The following ROBO2 variants were observed in gnomAD, a reference collection of about 807,000 sequenced individuals.
ROBO2 encodes roundabout guidance receptor 2.
ROBO2 carries 53 observed loss-of-function variants against 160.8 expected under a neutral mutation model. That is an observed-to-expected ratio of 0.33 (90% CI 0.26 to 0.41). The LOEUF (loss-of-function observed/expected upper bound fraction) is 0.41. Ranked by LOEUF, ROBO2 falls within the 10% of genes least tolerant of loss-of-function variation. The pLI, the probability that ROBO2 is intolerant of heterozygous loss-of-function variation, is 1.00. For synonymous variants in ROBO2, 664 were observed against 611.7 expected (o/e 1.09, Z -1.26); for missense variants, 1,577 against 1,722.4 (o/e 0.92, Z 1.49).
rs75020601 is a variant in ROBO2, at chr3:76,860,223, C to T, written c.110-237791C>T. Among the ~76,000 whole-genome samples the T allele has an allele frequency of 8.1e-3, 1,240 of 152,222 alleles. 22 individuals are homozygous for T. Among genetic ancestry groups the T allele is most frequent in the African/African-American group, 0.027 (1,134 of 41,542 alleles). On this transcript the variant is annotated intron_variant, in intron 2 of 26. Coordinates refer to the ROBO2 transcript ENST00000487694. ...CCTGATGCTATTCCCACTATACCCCCGACGGCTTTCTGTTTATTCATGTTT... is the reference window on the plus strand; with the variant it reads ...CCTGATGCTATTCCCACTATACCCCTGACGGCTTTCTGTTTATTCATGTTT...
chr3:76,154,174 C>A (rs191517457), intron 2 of ROBO2, among the ~76,000 whole-genome samples: 11 of 152,048 alleles, frequency 7.2e-5, no homozygotes, highest in African/African-American at 2.4e-4. Flanking sequence ...GCTTTGGTAA[C>A]GTTGTTTAAA....
intron 2 of ROBO2, among the ~76,000 whole-genome samples, chr3:77,362,679 A>G (rs1372440197): frequency 6.6e-6 from 1 of 152,162 alleles, no homozygotes; most frequent in Non-Finnish European, 1.5e-5. Flanking sequence ...AGAGTGTATC[A>G]GTCTGTTCTC....
chr3:76,200,176 A>T (rs1421905152), intron 2 of ROBO2, among the ~76,000 whole-genome samples: 1 of 152,132 alleles, frequency 6.6e-6, no homozygotes, highest in African/African-American at 2.4e-5. Context: ...AGTAACTCTG[A>T]ATAGTTAGAA....
chr3:77,543,776 A>G (rs1582840578), intron 6 of ROBO2, among the ~76,000 whole-genome samples: 1 of 152,138 alleles, frequency 6.6e-6, no homozygotes, highest in East Asian at 1.9e-4. Flanking sequence ...GACTGTATAG[A>G]GTATCCAGGA....
chr3:76,644,037 T>C (rs905975150), intron 2 of ROBO2, among the ~76,000 whole-genome samples: 3 of 152,228 alleles, frequency 2.0e-5, no homozygotes, highest in Admixed American at 2.0e-4. Context: ...ATTGTACCCA[T>C]ATAGAGTCAT....
chr3:77,411,909 C>T (rs1328026795), intron 2 of ROBO2, among the ~76,000 whole-genome samples: 1 of 152,156 alleles, frequency 6.6e-6, no homozygotes, highest in Non-Finnish European at 1.5e-5. Context: ...CCCAACCTGA[C>T]ATCCCATGTT....
At chr3:76,324,191 A>G (rs2072818334) in intron 2 of ROBO2, among the ~76,000 whole-genome samples, 1 of 152,196 alleles carries the variant, frequency 6.6e-6, no homozygotes, top group African/African-American at 2.4e-5. Context: ...GGGGTTACTC[A>G]TGGGAGTACT....
intron 2 of ROBO2, among the ~76,000 whole-genome samples, chr3:77,198,399 C>T (rs1356268290): frequency 3.3e-5 from 5 of 151,966 alleles, no homozygotes; most frequent in African/African-American, 1.2e-4. Flanking sequence ...GCTTAAACTT[C>T]CTGAGATGAA....
intron 2 of ROBO2, among the ~76,000 whole-genome samples, chr3:77,394,710 G>T (rs995600713): frequency 6.6e-6 from 1 of 152,066 alleles, no homozygotes; most frequent in Non-Finnish European, 1.5e-5. Context: ...TAACAGGAAA[G>T]ATAACCAAGA....
chr3:76,148,266 A>G (rs2071996538), intron 2 of ROBO2, among the ~76,000 whole-genome samples: 1 of 151,986 alleles, frequency 6.6e-6, no homozygotes, highest in South Asian at 2.1e-4. Flanking sequence ...CTGCCTTTCT[A>G]TTGATGTGCT....
intron 2 of ROBO2, among the ~76,000 whole-genome samples, chr3:76,303,380 A>T (rs1465054901): frequency 1.3e-5 from 2 of 151,954 alleles, no homozygotes; most frequent in Non-Finnish European, 1.5e-5. Flanking sequence ...AAAATAATGA[A>T]CTAGGTGCTA....
chr3:76,900,799 C>G (rs2075164886), intron 2 of ROBO2, among the ~76,000 whole-genome samples: 1 of 152,144 alleles, frequency 6.6e-6, no homozygotes, highest in African/African-American at 2.4e-5. Context: ...TTCCTGTATG[C>G]AGTGAGAAGC....
chr3:77,005,322 A>G (rs554456084), intron 2 of ROBO2, among the ~76,000 whole-genome samples: 1 of 152,322 alleles, frequency 6.6e-6, no homozygotes, highest in Non-Finnish European at 1.5e-5. Flanking sequence ...ACGAGCACCA[A>G]GCACAGTTTT....
At chr3:76,711,918 A>C (rs1056358408) in intron 2 of ROBO2, among the ~76,000 whole-genome samples, 1 of 152,178 alleles carries the variant, frequency 6.6e-6, no homozygotes, top group East Asian at 1.9e-4. Context: ...TGCCTTGTTC[A>C]TATCTCTAAC....
At position 76,622,227 on chromosome 3, in the gene ROBO2, GAAGGAAGGAAGAAAGAAAGA is replaced by G. The variant is rs1228460215; in HGVS notation, c.110-475783_110-475764del. 9.3e-3 allele frequency among the ~76,000 whole-genome samples: 254 copies of G among 27,398 alleles called. 1 individual carries two copies. The highest frequency in any genetic ancestry group is 0.031 in the South Asian group (10 of 326). The allele number at this position is 27,398 out of a possible 152,430, so 18.0% of individuals were successfully genotyped here. A position where few individuals can be genotyped will look rare whatever the true frequency, so the allele number is the denominator to read the frequency against. On this transcript the variant is annotated intron_variant, in intron 2 of 26. Coordinates refer to the ROBO2 transcript ENST00000487694. ...GGAAGGAAGGAAGGAAGGAAGGAAG[GAAGGAAGGAAGAAAGAAAGA>G]AAGAAAGAAAGAAAGAAAGAAAGAA... is the stretch of plus-strand genomic sequence containing the variant.
chr3:76,119,176 A>T (rs1036584210), intron 2 of ROBO2, among the ~76,000 whole-genome samples: 2 of 152,192 alleles, frequency 1.3e-5, no homozygotes, highest in African/African-American at 2.4e-5. Context: ...TCATGAATAA[A>T]TGGCATTTAT....
At chr3:77,514,937 G>C (rs2089840695) in intron 5 of ROBO2, among the ~76,000 whole-genome samples, 1 of 151,688 alleles carries the variant, frequency 6.6e-6, no homozygotes, top group Non-Finnish European at 1.5e-5. Flanking sequence ...GAGACTGGTA[G>C]TAGATAGTCA....
intron 6 of ROBO2, among the ~76,000 whole-genome samples, chr3:77,526,369 C>T (rs1179939145): frequency 6.6e-6 from 1 of 151,560 alleles, no homozygotes; most frequent in East Asian, 1.9e-4. Flanking sequence ...TGGTATGTTC[C>T]AGAGTCACAT....
At chr3:76,979,040 T>C (rs969153291) in intron 2 of ROBO2, among the ~76,000 whole-genome samples, 6 of 152,034 alleles carry the variant, frequency 3.9e-5, no homozygotes, top group South Asian at 4.1e-4. Flanking sequence ...CATCTTGAGC[T>C]GAAATGATCC....
Sources: gnomAD v4.1 joint callset for allele counts (sites outside exome capture counted in the v4.1 genomes callset) on GRCh38, gnomAD v4.1.1 for gene constraint, MANE v1.5 for transcripts, NCBI Gene and HGNC (gene_info 2026-07-23, HGNC 2026-07-21) for gene names.